NRXN1: variants seen among roughly 807,000 people sequenced by gnomAD.
The protein encoded by NRXN1 is neurexin 1, also known as neurexin-1.
A neutral mutation model predicts 150.9 loss-of-function variants in NRXN1; 39 were observed. The ratio of observed to expected loss-of-function variants is 0.26; its 90% CI spans 0.20 to 0.34. The LOEUF (loss-of-function observed/expected upper bound fraction) is 0.34. Ranked by LOEUF, NRXN1 falls within the 10% of genes least tolerant of loss-of-function variation. NRXN1 has a pLI of 1.00. For missense variants in NRXN1, 1,815 were observed against 1,949.9 expected (o/e 0.93, Z 1.30); for synonymous variants, 924 against 757.0 (o/e 1.22, Z -3.62).
At chr2:50,514,185 T>G (rs1201781029) in intron 12 of NRXN1, among the ~76,000 whole-genome samples, 1 of 152,196 alleles carries the variant, frequency 6.6e-6, no homozygotes, top group Non-Finnish European at 1.5e-5. Context: ...AACCATCACC[T>G]AACAAATTGC....
chr2:50,897,880 A>C (rs1682257327), intron 5 of NRXN1, among the ~76,000 whole-genome samples: 1 of 152,236 alleles, frequency 6.6e-6, no homozygotes, highest in South Asian at 2.1e-4. Context: ...TGTGCACTTT[A>C]AATGGGTTCT....
intron 17 of NRXN1, among the ~76,000 whole-genome samples, chr2:50,455,941 G>C (rs1411867142): frequency 6.6e-6 from 1 of 152,142 alleles, no homozygotes; most frequent in Admixed American, 6.5e-5. Context: ...TGAACTGCTG[G>C]AATCCAGATG....
At chr2:50,137,846 T>C (rs1706652934) in intron 18 of NRXN1, among the ~76,000 whole-genome samples, 1 of 152,238 alleles carries the variant, frequency 6.6e-6, no homozygotes, top group African/African-American at 2.4e-5. Flanking sequence ...TTCTTGTTTA[T>C]AGCTTTCATG....
At chr2:49,980,361 T>C (rs1056449739) in intron 21 of NRXN1, among the ~76,000 whole-genome samples, 11 of 152,124 alleles carry the variant, frequency 7.2e-5, no homozygotes, top group African/African-American at 2.4e-4. Context: ...TGGGACCATA[T>C]TGGAGTTTCA....
chr2:50,653,575 CTT>C (rs1277388287), intron 5 of NRXN1, among the ~76,000 whole-genome samples: 3 of 152,004 alleles, frequency 2.0e-5, no homozygotes, highest in Non-Finnish European at 4.4e-5. Context: ...TTTGGCCAAA[CTT>C]AATTCAATTT....
At chr2:50,519,602 T>C (rs376908154) in intron 12 of NRXN1, among the ~76,000 whole-genome samples, 50 of 152,122 alleles carry the variant, frequency 3.3e-4, no homozygotes, top group African/African-American at 1.2e-3. Flanking sequence ...TGTTGAGTTA[T>C]GTCTCTGTGC....
chr2:49,944,176 CT>C (rs1427901027), intron 21 of NRXN1, among the ~76,000 whole-genome samples: 1 of 152,170 alleles, frequency 6.6e-6, no homozygotes, highest in Non-Finnish European at 1.5e-5. Flanking sequence ...AGTACTTGTG[CT>C]TGGCTTCCTA....
At chr2:50,341,394 TC>T (rs1212922621) in intron 17 of NRXN1, among the ~76,000 whole-genome samples, 4 of 136,678 alleles carry the variant, frequency 2.9e-5, no homozygotes, top group African/African-American at 2.9e-5. Context: ...TTTAAGTATT[TC>T]TTAAAAAAAA....
chr2:50,474,636 T>C (rs2089820247), intron 15 of NRXN1, among the ~76,000 whole-genome samples: 1 of 134,024 alleles, frequency 7.5e-6, no homozygotes, highest in Non-Finnish European at 1.5e-5. Flanking sequence ...CGTACTCCTC[T>C]GTGCCATGGG....
intron 18 of NRXN1, among the ~76,000 whole-genome samples, chr2:50,194,210 T>C (rs1228126265): frequency 2.0e-5 from 3 of 152,156 alleles, no homozygotes; most frequent in Non-Finnish European, 2.9e-5. Context: ...ACTTGAATTT[T>C]GTGTCCCCAA....
intron 5 of NRXN1, among the ~76,000 whole-genome samples, chr2:50,757,756 C>T (rs768371443): frequency 1.3e-5 from 2 of 151,686 alleles, no homozygotes; most frequent in African/African-American, 2.4e-5. Flanking sequence ...GGTTACAAGA[C>T]TGGTGACCCT....
intron 16 of NRXN1, among the ~76,000 whole-genome samples, chr2:50,468,400 T>G (rs2089136534): frequency 1.3e-5 from 2 of 151,566 alleles, no homozygotes; most frequent in Admixed American, 1.3e-4. Context: ...AATGCATGCC[T>G]TTGCCTGACA....
intron 2 of NRXN1, among the ~76,000 whole-genome samples, chr2:50,951,940 TAA>T (rs1691402708): frequency 1.5e-5 from 2 of 129,802 alleles, no homozygotes; most frequent in Admixed American, 8.2e-5. Flanking sequence ...TGTACATGAA[TAA>T]ATATATATAT....
intron 5 of NRXN1, among the ~76,000 whole-genome samples, chr2:50,877,121 A>C (rs1439148352): frequency 6.6e-6 from 1 of 151,650 alleles, no homozygotes; most frequent in Non-Finnish European, 1.5e-5. Flanking sequence ...TCCTAGTTCA[A>C]TGTTAATGAT....
chr2:50,253,286 G>C (rs1484560201), intron 17 of NRXN1, among the ~76,000 whole-genome samples: 1 of 152,144 alleles, frequency 6.6e-6, no homozygotes, highest in African/African-American at 2.4e-5. Context: ...TGCTGAAGTT[G>C]TTTATCAGCT....
intron 12 of NRXN1, 23 bp downstream of exon 12, chr2:50,528,602 A>T (rs1203731542): frequency 3.1e-5 from 42 of 1,366,868 alleles, no homozygotes; most frequent in Non-Finnish European, 4.2e-5. Context: ...ATAACATTTT[A>T]AAAATTTTGA....
chr2:50,894,633 C>A (rs989772889), intron 5 of NRXN1, among the ~76,000 whole-genome samples: 2 of 152,028 alleles, frequency 1.3e-5, no homozygotes, highest in African/African-American at 4.8e-5. Context: ...ACACCTCAGT[C>A]CATGAGATTA....
intron 8 of NRXN1, among the ~76,000 whole-genome samples, chr2:50,614,946 A>C (rs956441057): frequency 8.5e-5 from 13 of 152,128 alleles, no homozygotes; most frequent in Admixed American, 8.5e-4. Context: ...GGCACTTCAT[A>C]TGGCAGAGGA....
At chr2:49,969,331 G>A (rs1677534897) in intron 21 of NRXN1, among the ~76,000 whole-genome samples, 1 of 151,902 alleles carries the variant, frequency 6.6e-6, no homozygotes, top group African/African-American at 2.4e-5. Context: ...AGGGTAACTG[G>A]TCCAAAAAGC....
Sources: gnomAD v4.1 joint callset for allele counts (sites outside exome capture counted in the v4.1 genomes callset) on GRCh38, gnomAD v4.1.1 for gene constraint, MANE v1.5 for transcripts, NCBI Gene and HGNC (gene_info 2026-07-23, HGNC 2026-07-21) for gene names.